BET1L: variants seen among roughly 807,000 people sequenced by gnomAD.
BET1L encodes the protein Bet1 golgi vesicular membrane trafficking protein like.
BET1L carries 13 observed loss-of-function variants against 12.6 expected under a neutral mutation model. The ratio of observed to expected loss-of-function variants is 1.03; its 90% CI spans 0.67 to 1.64. The LOEUF is 1.64. BET1L is among the 40% of genes most tolerant of loss of function. The probability of loss-of-function intolerance (pLI) is 0.00; values close to 1 mark genes in which losing one functional copy is unlikely to be tolerated. For missense variants in BET1L, 154 were observed against 150.7 expected (o/e 1.02, Z -0.11); for synonymous variants, 60 against 56.9 (o/e 1.05, Z -0.25).
chr11:207,165 C>A, intron 1 of BET1L, 138 bp downstream of exon 1: 1 of 1,207,124 alleles, frequency 8.3e-7, no homozygotes. Flanking sequence ...CGGAAGGATC[C>A]GAATCCGCCC....
In BET1L at chr11:207,284, T is replaced by A; in HGVS notation, c.19+19A>T. 1 of 1,530,294 alleles carries A rather than the reference T, an allele frequency of 6.5e-7. No individual in the cohort carries two copies. The highest frequency in any genetic ancestry group is 8.7e-7 in the Non-Finnish European group (1 of 1,146,390). 94.8% of individuals were successfully genotyped at this position (1,530,294 alleles called of 1,614,324 possible). ...TCGGCCCGGCCCTGCCCCCAACGGC[T>A]CCGCTCTCCCGCGCTCACCCCGAGC... On this transcript the variant is annotated intron_variant, in intron 1 of 3. Transcript: ENST00000382762.
chr11:207,170 C>T (rs936394675), intron 1 of BET1L, 133 bp downstream of exon 1: 244 of 1,231,226 alleles, frequency 2.0e-4, no homozygotes, highest in Middle Eastern at 2.6e-4. Flanking sequence ...GGATCCGAAT[C>T]CGCCCCCCTG....
rs1036505911 is a variant in BET1L, at chr11:205,092, C to T, written c.*210G>A. On this transcript the variant is annotated 3_prime_UTR_variant, in exon 4 of 4. Coordinates refer to ENST00000382762, the MANE Select transcript of BET1L (RefSeq NM_001098787.2). The stretch of plus-strand genomic sequence containing the variant: ...GGGAGGGGCTGGGCCTTGGTTTCCC[C>T]GAGAGAGTCCCTTTCACACATGGGA... 21 of 643,384 alleles carry T rather than the reference C, an allele frequency of 3.3e-5. No homozygotes were observed. The highest frequency in any genetic ancestry group is 4.6e-4 in the Middle Eastern group (1 of 2,158). The allele number at this position is 643,384 out of a possible 1,614,324, so 39.9% of individuals were successfully genotyped here.
intron 2 of BET1L, 74 bp from the exon 3 acceptor site, chr11:205,741 G>A: frequency 6.5e-7 from 1 of 1,542,792 alleles, no homozygotes; most frequent in Non-Finnish European, 8.7e-7. Flanking sequence ...CCCCAGACCA[G>A]ATAAACCCTG....
intron 1 of BET1L, chr11:207,068 C>T (rs117120616): frequency 3.8e-6 from 2 of 531,606 alleles, no homozygotes; most frequent in African/African-American, 2.0e-5. Context: ...CCCGCTGCTG[C>T]GCGACCCCTC....
At chr11:206,698 A>G (rs1196244177) in intron 1 of BET1L, among the ~76,000 whole-genome samples, 1 of 152,180 alleles carries the variant, frequency 6.6e-6, no homozygotes, top group East Asian at 1.9e-4. Flanking sequence ...GGCCTGTGAC[A>G]GGCTGGGCCA....
In BET1L at chr11:203,955, AAGG is replaced by A. The variant is rs1564795528; in HGVS notation, c.*1344_*1346del. 3 of 153,410 alleles carry A rather than the reference AAGG, an allele frequency of 2.0e-5. No homozygotes were observed. The highest frequency in any genetic ancestry group is 2.4e-5 in the African/African-American group (1 of 41,424). The allele number at this position is 153,410 out of a possible 1,614,324, so 9.5% of individuals were successfully genotyped here. ...AAAGGTAGGCTTGCTGTGTGGAAGG[AAGG>A]AGGAGGGGAGGGGAAGGGTGAGCAA... On this transcript the variant is annotated 3_prime_UTR_variant, in exon 4 of 4. Transcript: ENST00000382762.
Position 205,237 on chromosome 11 carries a change from C to A in BET1L, c.*65G>T. ...ATTTTGTAGGTAAGTCCTCTGGAGC[C>A]CAAAACACCAGGCAGGGAAGACCCT... On this transcript the variant is annotated 3_prime_UTR_variant, in exon 4 of 4. Coordinates refer to ENST00000382762, the MANE Select transcript of BET1L (RefSeq NM_001098787.2). The A allele has an allele frequency of 6.5e-7, 1 of 1,541,558 alleles. No homozygotes were observed. The highest frequency in any genetic ancestry group is 2.3e-5 in the East Asian group (1 of 43,496).
At position 205,976 on chromosome 11, in the gene BET1L, G is replaced by T; in HGVS notation, c.87C>A (p.Ala29=). Residue 29 remains alanine (A), a synonymous_variant, in exon 2 of 4, where the codon GCC becomes GCA. Coordinates refer to ENST00000382762, the MANE Select transcript of BET1L (RefSeq NM_001098787.2). ...RENKRMADSL[A]SKVTRLKSLA... ...CCGATTTGAGCCTGGTGACTTTGGA[G>T]GCCAGGCTGTCAGCCATTCGCTTGT... is the stretch of plus-strand genomic sequence containing the variant. 1 of 1,614,122 alleles carries T rather than the reference G, an allele frequency of 6.2e-7. No homozygotes were observed. The highest frequency in any genetic ancestry group is 8.5e-7 in the Non-Finnish European group (1 of 1,180,032).
rs556474754 is a variant in BET1L, at chr11:207,202, T to A, written c.19+101A>T. On this transcript the variant is annotated intron_variant, in intron 1 of 3. Transcript: ENST00000382762. ...CCTGACAGGGTCCTCTCGGCCGAGG[T>A]CACCCCAGCTGGGCCAGAGGCAGGC... 7 of 1,426,266 alleles carry A rather than the reference T, an allele frequency of 4.9e-6. No homozygotes were observed. In the Admixed American group the frequency reaches 9.3e-5, roughly 19 times the overall value. The allele number at this position is 1,426,266 out of a possible 1,614,324, so 88.4% of individuals were successfully genotyped here. A position where few individuals can be genotyped will look rare whatever the true frequency, so the allele number is the denominator to read the frequency against.
chr11:205,734 C>T, intron 2 of BET1L, 67 bp from the exon 3 acceptor site: 4 of 1,557,866 alleles, frequency 2.6e-6, no homozygotes, highest in Non-Finnish European at 3.5e-6. Flanking sequence ...TCACCCTCCC[C>T]AGACCAGATA....
intron 2 of BET1L, 73 bp downstream of exon 2, chr11:205,879 G>T: frequency 6.5e-7 from 1 of 1,541,852 alleles, no homozygotes; most frequent in Non-Finnish European, 8.9e-7. Context: ...ACTCCTCTGG[G>T]CCCTCTGCCT....
Position 207,359 on chromosome 11 carries a change from C to CCGCCACAGCCGCCTCAGACGT in BET1L, c.-39_-38insACGTCTGAGGCGGCTGTGGCG, listed in dbSNP as rs556691696. On this transcript the variant is annotated 5_prime_UTR_variant, in exon 1 of 4. Coordinates refer to ENST00000382762, the MANE Select transcript of BET1L (RefSeq NM_001098787.2). ...CGGCTCCTCGACGCGGACACCGACG[C>CCGCCACAGCCGCCTCAGACGT]GGCCACAGCCGCCTCAGACGTGGCG... 5.3e-6 allele frequency: 8 copies of CCGCCACAGCCGCCTCAGACGT among 1,506,400 alleles called. No individual in the cohort carries two copies. In the Admixed American group the frequency reaches 1.6e-4, roughly 31 times the overall value. 93.3% of individuals were successfully genotyped at this position (1,506,400 alleles called of 1,614,324 possible).
chr11:205,408 A>C lies in BET1L; in HGVS notation c.230T>G (p.Met77Arg), dbSNP rs375657505. 6.2e-7 allele frequency: 1 copy of C among 1,614,098 alleles called. No homozygotes were observed. Among genetic ancestry groups the C allele is most frequent in the Non-Finnish European group, 8.5e-7 (1 of 1,180,042 alleles). The change falls in exon 4 of 4, where the codon ATG becomes AGG. Residue 77 changes from methionine (M) to arginine (R), a missense_variant. Coordinates refer to ENST00000382762, the MANE Select transcript of BET1L (RefSeq NM_001098787.2). Reference protein sequence around the residue: ...LTGSVKRFSTMARSGQDNRKL... With the variant: ...LTGSVKRFSTRARSGQDNRKL... ...CCGGTTGTCTTGTCCGGACCTTGCC[A>C]TTGTGGAAAAGCGCTTCACGCTCCC...
rs1326260649 is a variant in BET1L, at chr11:207,395, GAA to G, written c.-76_-75del. On this transcript the variant is annotated 5_prime_UTR_variant, in exon 1 of 4. Coordinates refer to ENST00000382762, the MANE Select transcript of BET1L (RefSeq NM_001098787.2). ...GCCTCAGACGTGGCGCAGTCGCGGG[GAA>G]AGAGCTTCCGGCCCCGCCCCCAGCT... 4 of 1,261,050 alleles carry G rather than the reference GAA, an allele frequency of 3.2e-6. No individual in the cohort carries two copies. In the African/African-American group the frequency reaches 9.7e-5, roughly 30 times the overall value. The allele number at this position is 1,261,050 out of a possible 1,614,324, so 78.1% of individuals were successfully genotyped here.
chr11:207,336 G>A lies in BET1L; in HGVS notation c.-15C>T, dbSNP rs1855197399. ...CAGTCCGCCATCGTGCCCTGCCCCG[G>A]CTCCTCGACGCGGACACCGACGCGG... On this transcript the variant is annotated 5_prime_UTR_variant, in exon 1 of 4. Transcript: ENST00000382762. 6.4e-6 allele frequency: 8 copies of A among 1,257,018 alleles called. No homozygotes were observed. Among genetic ancestry groups the A allele is most frequent in the Admixed American group, 2.3e-5 (1 of 42,706 alleles). 77.9% of individuals were successfully genotyped at this position (1,257,018 alleles called of 1,614,324 possible).
In BET1L at chr11:203,380, A is replaced by C. The variant is rs1348656465; in HGVS notation, c.*1922T>G. On this transcript the variant is annotated 3_prime_UTR_variant, in exon 4 of 4. Coordinates refer to ENST00000382762, the MANE Select transcript of BET1L (RefSeq NM_001098787.2). The stretch of plus-strand genomic sequence containing the variant: ...CTGAGAGACAGCAAAGCACCTCTCC[A>C]GCGAAAGCCACTCCGAGATGCAGCC... 6.6e-6 allele frequency: 1 copy of C among 152,252 alleles called. No individual in the cohort carries two copies. The highest frequency in any genetic ancestry group is 1.5e-5 in the Non-Finnish European group (1 of 68,046). The allele number at this position is 152,252 out of a possible 1,614,324, so 9.4% of individuals were successfully genotyped here. A position where few individuals can be genotyped will look rare whatever the true frequency, so the allele number is the denominator to read the frequency against.
At position 204,089 on chromosome 11, in the gene BET1L, C is replaced by G. The variant is rs1434930636; in HGVS notation, c.*1213G>C. On this transcript the variant is annotated 3_prime_UTR_variant, in exon 4 of 4. Transcript: ENST00000382762. ...TGGTGTGGCCACACAGGTGGGGGGA[C>G]AGTGATCCCATAGTCCCCAGGGAGT... The G allele has an allele frequency of 6.5e-6, 1 of 152,678 alleles. No individual in the cohort carries two copies. Among genetic ancestry groups the G allele is most frequent in the Admixed American group, 6.5e-5 (1 of 15,290 alleles). 9.5% of individuals were successfully genotyped at this position (152,678 alleles called of 1,614,324 possible).
chr11:207,091 G>A, intron 1 of BET1L: 1 of 580,660 alleles, frequency 1.7e-6, no homozygotes, highest in Non-Finnish European at 2.8e-6. Context: ...TGGAGCTGCT[G>A]GGCCGCCACG....
Sources: gnomAD v4.1 joint callset for allele counts (sites outside exome capture counted in the v4.1 genomes callset) on GRCh38, gnomAD v4.1.1 for gene constraint, MANE v1.5 for transcripts, NCBI Gene and HGNC (gene_info 2026-07-23, HGNC 2026-07-21) for gene names.